PCDHA12: variants seen among roughly 807,000 people sequenced by gnomAD.
PCDHA12 encodes protocadherin alpha 12.
A neutral mutation model predicts 60.0 loss-of-function variants in PCDHA12; 44 were observed. That is an observed-to-expected ratio of 0.73 (90% CI 0.58 to 0.94). The LOEUF (loss-of-function observed/expected upper bound fraction) is 0.94, where lower values mean the gene tolerates loss of function less well. PCDHA12 is among the 40% of genes least tolerant of loss of function. The pLI is 0.00. For synonymous variants in PCDHA12, 569 were observed against 553.0 expected, an observed-to-expected ratio of 1.03 and a Z score of -0.40; for missense variants, 1,276 against 1,239.7, an observed-to-expected ratio of 1.03 and a Z score of -0.44.
intron 1 of PCDHA12, among the ~76,000 whole-genome samples, chr5:140,889,411 T>A (rs1262087176): frequency 6.6e-6 from 1 of 152,020 alleles, no homozygotes; most frequent in Non-Finnish European, 1.5e-5. Flanking sequence ...CTCGAGTCAG[T>A]TACGTAGATA....
chr5:140,881,023 A>T (rs1338073910), intron 1 of PCDHA12, among the ~76,000 whole-genome samples: 2 of 152,240 alleles, frequency 1.3e-5, no homozygotes, highest in Admixed American at 1.3e-4. Flanking sequence ...AAATAAACCC[A>T]ACAGTCATTT....
intron 3 of PCDHA12, 34 bp from the exon 4 acceptor site, chr5:141,009,593 C>T (rs1219056557): frequency 6.2e-7 from 1 of 1,601,902 alleles, no homozygotes; most frequent in Non-Finnish European, 8.5e-7. Context: ...CATGTGTTGA[C>T]CCTGTTAATG....
rs782133089 is a variant in PCDHA12, at chr5:140,924,894, C to CAAAAA, written c.2367+47062_2367+47066dup. Among the ~76,000 whole-genome samples, 201 of 71,494 alleles carry CAAAAA rather than the reference C, an allele frequency of 2.8e-3. 5 individuals are homozygous for CAAAAA. In the East Asian group the frequency reaches 0.084, roughly 30 times the overall value. The allele number at this position is 71,494 out of a possible 152,430, so 46.9% of individuals were successfully genotyped here. On this transcript the variant is annotated intron_variant, in intron 1 of 3. Coordinates refer to ENST00000398631, the MANE Select transcript of PCDHA12 (RefSeq NM_018903.4). ...TGGGTGACAGAGCAAGAACCTGTCT[C>CAAAAA]AAAAAAAAAAATAAAATAAAATAAA...
chr5:140,960,253 G>A (rs1554224599), intron 1 of PCDHA12, among the ~76,000 whole-genome samples: 1 of 152,178 alleles, frequency 6.6e-6, no homozygotes, highest in African/African-American at 2.4e-5. Context: ...GCTTCCTGGA[G>A]CTTCTGATAA....
intron 3 of PCDHA12, 100 bp from the exon 4 acceptor site, chr5:141,009,527 G>A: frequency 6.6e-7 from 1 of 1,507,930 alleles, no homozygotes; most frequent in South Asian, 1.4e-5. Context: ...TTTCTGGGGA[G>A]GTTCAGCCTG....
In PCDHA12 at chr5:140,877,407, C is replaced by A; in HGVS notation, c.1935C>A (p.His645Gln). ...RILDEADAPR[H>Q]RLLVLVKDHG... ...TGGATGAGGCGGACGCTCCGCGCCA[C>A]CGCCTGCTGGTGCTGGTGAAGGACC... The change falls in exon 1 of 4, where the codon CAC becomes CAA. Residue 645 changes from histidine to glutamine, a missense_variant. By Grantham distance (24) the His-to-Gln change is conservative. Transcript: ENST00000398631. The A allele has an allele frequency of 6.2e-7, 1 of 1,613,942 alleles. No individual in the cohort carries two copies. The highest frequency in any genetic ancestry group is 8.5e-7 in the Non-Finnish European group (1 of 1,179,882).
At chr5:140,976,637 A>G (rs781951504) in intron 1 of PCDHA12, among the ~76,000 whole-genome samples, 16 of 152,226 alleles carry the variant, frequency 1.1e-4, no homozygotes, top group Non-Finnish European at 1.5e-4. Flanking sequence ...CAGCAATCAG[A>G]CAAGTAATTT....
chr5:140,951,545 G>C (rs1019007635), intron 1 of PCDHA12, among the ~76,000 whole-genome samples: 2 of 151,950 alleles, frequency 1.3e-5, no homozygotes, highest in Admixed American at 6.6e-5. Context: ...GCAAGGGACG[G>C]GGGGAAGTGC....
At chr5:140,997,510 C>T (rs536611731) in intron 3 of PCDHA12, among the ~76,000 whole-genome samples, 60 of 152,102 alleles carry the variant, frequency 3.9e-4, no homozygotes, top group Non-Finnish European at 6.9e-4. Context: ...CATACCTAAA[C>T]GCAGAAAAAG....
intron 3 of PCDHA12, among the ~76,000 whole-genome samples, chr5:141,007,994 T>G (rs1339008337): frequency 5.9e-5 from 9 of 152,262 alleles, no homozygotes. Flanking sequence ...GAAATGTACA[T>G]GTTAATAAAC....
chr5:140,928,943 T>C, intron 1 of PCDHA12: 1 of 1,614,090 alleles, frequency 6.2e-7, no homozygotes, highest in Non-Finnish European at 8.5e-7. Flanking sequence ...AACTTGTATT[T>C]AGTAATTGCC....
intron 3 of PCDHA12, among the ~76,000 whole-genome samples, chr5:140,996,637 G>A (rs2097735642): frequency 6.6e-6 from 1 of 152,190 alleles, no homozygotes; most frequent in Admixed American, 6.5e-5. Flanking sequence ...TGCAAATTAT[G>A]TAGTTAATCC....
intron 1 of PCDHA12, among the ~76,000 whole-genome samples, chr5:140,910,213 G>A (rs1375224674): frequency 6.6e-6 from 1 of 152,170 alleles, no homozygotes; most frequent in South Asian, 2.1e-4. Context: ...TGACCTGGAA[G>A]TTTTCTGCTT....
At position 140,901,836 on chromosome 5, in the gene PCDHA12, G is replaced by A. The variant is rs183480993; in HGVS notation, c.2367+23997G>A. On this transcript the variant is annotated intron_variant, in intron 1 of 3. Coordinates refer to ENST00000398631, the MANE Select transcript of PCDHA12 (RefSeq NM_018903.4). The stretch of plus-strand genomic sequence containing the variant: ...ATTGATTCTTCCAGTCCATAAACAT[G>A]CAATATCTTTCCATTTTTTTGTGTC... 2.6e-3 allele frequency among the ~76,000 whole-genome samples: 395 copies of A among 152,228 alleles called. 2 individuals carry two copies. The highest frequency in any genetic ancestry group is 9.2e-3 in the African/African-American group (384 of 41,554).
chr5:140,913,463 G>C (rs1230048611), intron 1 of PCDHA12, among the ~76,000 whole-genome samples: 4 of 151,500 alleles, frequency 2.6e-5, no homozygotes, highest in African/African-American at 2.4e-5. Flanking sequence ...TATTTACTTG[G>C]GTCTTCTCTC....
At chr5:140,906,736 A>G (rs1554192686) in intron 1 of PCDHA12, among the ~76,000 whole-genome samples, 1 of 152,132 alleles carries the variant, frequency 6.6e-6, no homozygotes, top group Admixed American at 6.5e-5. Context: ...GTAGTTTCCC[A>G]TTGACACAGG....
chr5:140,908,998 C>G (rs2074255436), intron 1 of PCDHA12, among the ~76,000 whole-genome samples: 1 of 152,156 alleles, frequency 6.6e-6, no homozygotes, highest in South Asian at 2.1e-4. Flanking sequence ...AGAAATTTTA[C>G]TGAGGTAGAA....
At chr5:140,888,222 G>T (rs956304839) in intron 1 of PCDHA12, among the ~76,000 whole-genome samples, 1 of 152,168 alleles carries the variant, frequency 6.6e-6, no homozygotes, top group African/African-American at 2.4e-5. Flanking sequence ...GTGTGTGTGT[G>T]CATGTGTGTG....
intron 1 of PCDHA12, chr5:140,883,472 A>G (rs782442737): frequency 1.2e-5 from 20 of 1,614,018 alleles, no homozygotes; most frequent in Non-Finnish European, 1.4e-5. Context: ...GTCCACCTAC[A>G]AGAACTACTA....
Sources: allele counts gnomAD v4.1 joint callset (sites outside exome capture counted in the v4.1 genomes callset), GRCh38; gene constraint gnomAD v4.1.1; transcripts MANE v1.5; gene names NCBI Gene and HGNC (gene_info 2026-07-23, HGNC 2026-07-21).